Variants in GABRB2 observed in about 807,000 individuals in gnomAD.
GABRB2 encodes gamma-aminobutyric acid receptor subunit beta-2.
A neutral mutation model predicts 54.7 loss-of-function variants in GABRB2; 16 were observed. The ratio of observed to expected loss-of-function variants is 0.29; its 90% CI spans 0.20 to 0.44. The LOEUF is 0.44. Ranked by LOEUF, GABRB2 falls within the 20% of genes least tolerant of loss-of-function variation. The probability of loss-of-function intolerance (pLI) is 1.00; values close to 1 mark genes in which losing one functional copy is unlikely to be tolerated. For missense variants in GABRB2, 355 were observed against 644.0 expected (o/e 0.55, Z 4.86); for synonymous variants, 244 against 233.8 (o/e 1.04, Z -0.40).
At chr5:161,299,271 T>A (rs1757468574) in intron 9 of GABRB2, among the ~76,000 whole-genome samples, 1 of 152,220 alleles carries the variant, frequency 6.6e-6, no homozygotes, top group Admixed American at 6.5e-5. Context: ...TCAGTTACTA[T>A]GTCTCTGCTG....
intron 3 of GABRB2, 44 bp from the exon 4 acceptor site, chr5:161,459,888 C>A: frequency 8.8e-7 from 1 of 1,135,518 alleles, no homozygotes; most frequent in Non-Finnish European, 1.3e-6. Flanking sequence ...TACACCCAGA[C>A]AGATCTGGGG....
intron 4 of GABRB2, among the ~76,000 whole-genome samples, chr5:161,452,244 T>A (rs1367973948): frequency 6.6e-6 from 1 of 152,174 alleles, no homozygotes; most frequent in Non-Finnish European, 1.5e-5. Flanking sequence ...ATATTTTAAA[T>A]ACCGTTTTAT....
rs73797588 is a variant in GABRB2 at position 161,368,081 on chromosome 5, A to G, written c.542-31312T>C. Reference sequence around the variant, plus strand: ...AATTGGGATCTTGTTTTACAAGAATATCCTATTTAATTTATAATCCAATTC... The same window carrying G: ...AATTGGGATCTTGTTTTACAAGAATGTCCTATTTAATTTATAATCCAATTC... On this transcript the variant is annotated intron_variant, in intron 5 of 9. Transcript: ENST00000393959. Among the ~76,000 whole-genome samples the G allele has an allele frequency of 4.0e-3, 605 of 150,752 alleles. 6 individuals carry two copies. Among genetic ancestry groups the G allele is most frequent in the African/African-American group, 0.013 (533 of 41,018 alleles).
intron 3 of GABRB2, among the ~76,000 whole-genome samples, chr5:161,461,619 A>G (rs187673573): frequency 6.6e-6 from 1 of 152,322 alleles, no homozygotes; most frequent in Non-Finnish European, 1.5e-5. Flanking sequence ...CTATGGGTAC[A>G]ATGTAATTGC....
chr5:161,341,968 T>TATATACATAC (rs1205547471), intron 5 of GABRB2, among the ~76,000 whole-genome samples: 1 of 31,106 alleles, frequency 3.2e-5, no homozygotes, highest in African/African-American at 5.8e-5. Context: ...TATATATATA[T>TATATACATAC]ACATACTTTA....
In GABRB2 at chr5:161,289,232, C is replaced by CTTTTTTTTTTTTTTTTTT. The variant is rs56372028; in HGVS notation, c.*4848_*4849insAAAAAAAAAAAAAAAAAA. On this transcript the variant is annotated 3_prime_UTR_variant, in exon 10 of 10. Transcript: ENST00000393959. The stretch of plus-strand genomic sequence containing the variant: ...ACCTAGTAGCTTTTTAAGAGTGCTG[C>CTTTTTTTTTTTTTTTTTT]TTTTTTTTTTTTTTTTTGTACAGAT... The CTTTTTTTTTTTTTTTTTT allele has an allele frequency of 1.7e-4, 15 of 90,460 alleles. No individual in the cohort carries two copies. The highest frequency in any genetic ancestry group is 5.5e-4 in the African/African-American group (9 of 16,218). 5.6% of individuals were successfully genotyped at this position (90,460 alleles called of 1,614,324 possible).
At chr5:161,471,095 AC>A (rs1758426009) in intron 3 of GABRB2, among the ~76,000 whole-genome samples, 1 of 151,860 alleles carries the variant, frequency 6.6e-6, no homozygotes, top group South Asian at 2.1e-4. Flanking sequence ...TGTTTCAAAC[AC>A]CCTCAGAGCT....
chr5:161,346,424 A>G (rs1754319601), intron 5 of GABRB2, among the ~76,000 whole-genome samples: 1 of 152,144 alleles, frequency 6.6e-6, no homozygotes, highest in South Asian at 2.1e-4. Flanking sequence ...AACAAGGCCA[A>G]TTGAATGGTC....
intron 3 of GABRB2, among the ~76,000 whole-genome samples, chr5:161,524,650 A>G (rs948045543): frequency 5.3e-5 from 8 of 151,452 alleles, no homozygotes; most frequent in African/African-American, 1.9e-4. Flanking sequence ...GAGAATCTTT[A>G]TTAACACTGA....
chr5:161,348,099 A>C (rs1754370498), intron 5 of GABRB2, among the ~76,000 whole-genome samples: 1 of 152,104 alleles, frequency 6.6e-6, no homozygotes, highest in Non-Finnish European at 1.5e-5. Context: ...TCTGAAAAAA[A>C]TTGTTATTCT....
At chr5:161,307,137 A>G (rs1757712389) in intron 9 of GABRB2, among the ~76,000 whole-genome samples, 1 of 152,274 alleles carries the variant, frequency 6.6e-6, no homozygotes, top group Admixed American at 6.5e-5. Context: ...CTCCTTCCTC[A>G]CCACTACACA....
rs140852589 is a variant in GABRB2, at chr5:161,346,202, T to A, written c.542-9433A>T. On this transcript the variant is annotated intron_variant, in intron 5 of 9. Transcript: ENST00000393959. ...GACTTTTAATTCGTAATTTCATTCCTAAGTTGAAGAAAAACTTCCTTTGAA... is the reference window on the plus strand; with the variant it reads ...GACTTTTAATTCGTAATTTCATTCCAAAGTTGAAGAAAAACTTCCTTTGAA... Among the ~76,000 whole-genome samples, 55 of 152,244 alleles carry A rather than the reference T, an allele frequency of 3.6e-4. No homozygotes were observed. The East Asian group carries it at 9.7e-3, about 27-fold the overall frequency.
intron 3 of GABRB2, 121 bp downstream of exon 3, chr5:161,545,106 C>G (rs1034088192): frequency 1.7e-6 from 1 of 601,108 alleles, no homozygotes; most frequent in African/African-American, 1.9e-5. Flanking sequence ...AAATTCCATG[C>G]TCTCACCCCC....
intron 3 of GABRB2, among the ~76,000 whole-genome samples, chr5:161,505,465 C>T (rs1759578485): frequency 6.6e-6 from 1 of 152,086 alleles, no homozygotes; most frequent in Non-Finnish European, 1.5e-5. Flanking sequence ...AACCCTAATA[C>T]TGAAACCAGG....
At chr5:161,474,603 CAGA>C (rs1244297015) in intron 3 of GABRB2, among the ~76,000 whole-genome samples, 2 of 151,854 alleles carry the variant, frequency 1.3e-5, no homozygotes, top group African/African-American at 2.4e-5. Context: ...AACACATTTT[CAGA>C]AGAATAGGTA....
At chr5:161,394,276 C>T (rs1433813529) in intron 5 of GABRB2, among the ~76,000 whole-genome samples, 4 of 151,696 alleles carry the variant, frequency 2.6e-5, no homozygotes, top group Non-Finnish European at 4.4e-5. Flanking sequence ...GATTTCAAAT[C>T]GGTGGCTCAA....
At chr5:161,330,265 A>G (rs1441078691) in intron 8 of GABRB2, 1 of 152,208 alleles carries the variant, frequency 6.6e-6, no homozygotes. Flanking sequence ...GATAAGTGGT[A>G]TATGTGCAAG....
chr5:161,451,885 G>A (rs1757798142), intron 4 of GABRB2, among the ~76,000 whole-genome samples: 2 of 152,100 alleles, frequency 1.3e-5, no homozygotes, highest in African/African-American at 2.4e-5. Flanking sequence ...TCTCTGTGTG[G>A]TAGGATTGGG....
At chr5:161,503,896 T>C (rs1759524450) in intron 3 of GABRB2, among the ~76,000 whole-genome samples, 1 of 151,920 alleles carries the variant, frequency 6.6e-6, no homozygotes, top group Non-Finnish European at 1.5e-5. Context: ...ATAGGAAAAC[T>C]AGAATGATTA....
Sources: gnomAD v4.1 joint callset for allele counts (sites outside exome capture counted in the v4.1 genomes callset) on GRCh38, gnomAD v4.1.1 for gene constraint, MANE v1.5 for transcripts, NCBI Gene and HGNC (gene_info 2026-07-23, HGNC 2026-07-21) for gene names.